AVEN: variants seen among roughly 807,000 people sequenced by gnomAD.
AVEN encodes the protein cell death regulator Aven.
Under a neutral mutation model 38.1 loss-of-function variants are expected in AVEN, and 41 were observed. That is an observed-to-expected ratio of 1.08 (90% CI 0.84 to 1.40). The LOEUF (loss-of-function observed/expected upper bound fraction) is 1.40. AVEN is among the 40% of genes most tolerant of loss of function. AVEN has a pLI of 0.00. For synonymous variants in AVEN, 206 were observed against 171.8 expected, an observed-to-expected ratio of 1.20 and a Z score of -1.56; for missense variants, 605 against 438.8, an observed-to-expected ratio of 1.38 and a Z score of -3.38.
At chr15:33,883,536 G>GA (rs1197038772) in intron 2 of AVEN, 3 of 152,046 alleles carry the variant, frequency 2.0e-5, no homozygotes, top group African/African-American at 7.2e-5. Context: ...TGCTACATGA[G>GA]AAAAGCACGC....
chr15:34,046,356 A>AAAC (rs1555520158), intron 5 of AVEN, among the ~76,000 whole-genome samples: 1 of 151,464 alleles, frequency 6.6e-6, no homozygotes, highest in Non-Finnish European at 1.5e-5. Context: ...AAAAAAAAAA[A>AAAC]ACGGGAAAAA....
chr15:33,880,901 T>C (rs1014840494), intron 2 of AVEN, among the ~76,000 whole-genome samples: 4 of 152,128 alleles, frequency 2.6e-5, no homozygotes, highest in Non-Finnish European at 1.5e-5. Context: ...GAAGGCATCT[T>C]TGATGCACAC....
chr15:33,876,004 AG>A lies in AVEN; in HGVS notation c.446-10del. On this transcript the variant is annotated splice_polypyrimidine_tract_variant and intron_variant, in intron 2 of 5. Transcript: ENST00000306730. The stretch of plus-strand genomic sequence containing the variant: ...CTGTGAGAATGAGTCCCCTAGGAAT[AG>A]GAAAAAAAAAAAAATTTATGCAAAA... 3 of 1,601,350 alleles carry A rather than the reference AG, an allele frequency of 1.9e-6. No homozygotes were observed. The highest frequency in any genetic ancestry group is 2.6e-6 in the Non-Finnish European group (3 of 1,176,186).
intron 2 of AVEN, among the ~76,000 whole-genome samples, chr15:33,952,270 A>G (rs1419652814): frequency 6.6e-6 from 1 of 152,182 alleles, no homozygotes; most frequent in Non-Finnish European, 1.5e-5. Flanking sequence ...GTTCAAAGGT[A>G]TAGATAGAGG....
chr15:33,853,406 G>C, the AVEN span: 1 of 1,063,650 alleles, frequency 9.4e-7, no homozygotes, highest in Non-Finnish European at 1.3e-6. Context: ...TTTTCTCTGG[G>C]TTTTCTCTTT....
intron 1 of AVEN, among the ~76,000 whole-genome samples, chr15:34,013,073 G>T (rs12594902): frequency 0.47 from 71,727 of 151,592 alleles, 20,168 homozygotes; most frequent in Non-Finnish European, 0.63. Flanking sequence ...TTGTTTGTTT[G>T]TTTTTTGAGA....
intron 2 of AVEN, among the ~76,000 whole-genome samples, chr15:33,911,085 C>T (rs1892899647): frequency 6.6e-6 from 1 of 151,988 alleles, no homozygotes; most frequent in African/African-American, 2.4e-5. Context: ...ATTAAAATAC[C>T]CTCTCAAAAA....
At chr15:33,858,843 G>C (rs1261069465) in exon 12 of AVEN, 1 of 152,234 alleles carries the variant, frequency 6.6e-6, no homozygotes, top group Non-Finnish European at 1.5e-5. Flanking sequence ...TGCCCAGTCT[G>C]TGAGCATCTC....
intron 4 of AVEN, among the ~76,000 whole-genome samples, chr15:33,870,409 A>G (rs1294412652): frequency 1.3e-5 from 2 of 152,182 alleles, no homozygotes; most frequent in African/African-American, 2.4e-5. Context: ...GCCAGCTCAA[A>G]TGTCCTTATG....
intron 2 of AVEN, among the ~76,000 whole-genome samples, chr15:33,902,911 T>C (rs1229426813): frequency 6.6e-6 from 1 of 152,212 alleles, no homozygotes; most frequent in Non-Finnish European, 1.5e-5. Flanking sequence ...CTCCTATAGT[T>C]TGATGATCAA....
chr15:33,929,986 C>T (rs893634990), intron 2 of AVEN, among the ~76,000 whole-genome samples: 11 of 152,142 alleles, frequency 7.2e-5, no homozygotes, highest in African/African-American at 2.7e-4. Flanking sequence ...AAAAAATATT[C>T]CTCCAGTCCT....
At chr15:33,882,105 T>C (rs980212607) in intron 2 of AVEN, among the ~76,000 whole-genome samples, 11 of 152,234 alleles carry the variant, frequency 7.2e-5, no homozygotes, top group African/African-American at 2.7e-4. Flanking sequence ...TTACAGAATA[T>C]TGTAGAACGG....
rs374243717 is a variant in AVEN at position 34,008,581 on chromosome 15, C to T, written c.268-5372G>A. Among the ~76,000 whole-genome samples, 4 of 151,088 alleles carry T rather than the reference C, an allele frequency of 2.6e-5. No individual in the cohort carries two copies. The South Asian group carries it at 8.4e-4, about 32-fold the overall frequency. ...TCGGCTCGCTGCAACCTCCGCCTCC[C>T]GGGTTCAAGTCATTCTTCTGCCTCA... On this transcript the variant is annotated intron_variant, in intron 1 of 5. Coordinates refer to ENST00000306730, the MANE Select transcript of AVEN (RefSeq NM_020371.3).
intron 2 of AVEN, among the ~76,000 whole-genome samples, chr15:33,985,845 G>C (rs1381830979): frequency 6.6e-6 from 1 of 152,066 alleles, no homozygotes; most frequent in East Asian, 1.9e-4. Context: ...TTCAAAAATA[G>C]AAGTTCAAGA....
At chr15:34,051,039 A>G (rs1254741020) in intron 5 of AVEN, among the ~76,000 whole-genome samples, 1 of 152,230 alleles carries the variant, frequency 6.6e-6, no homozygotes, top group Admixed American at 6.5e-5. Flanking sequence ...CCAAAACAAC[A>G]GAATAAACAT....
chr15:33,871,161 T>TA, intron 3 of AVEN, 131 bp from the exon 4 acceptor site: 1 of 492,454 alleles, frequency 2.0e-6, no homozygotes. Context: ...ACATCACACT[T>TA]ATGTGTTAGA....
intron 2 of AVEN, among the ~76,000 whole-genome samples, chr15:33,899,528 G>A (rs1302440356): frequency 1.6e-5 from 2 of 127,130 alleles, no homozygotes; most frequent in Non-Finnish European, 3.1e-5. Context: ...GGAGTGCAGT[G>A]GCGCCATCTC....
rs533788693 is a variant in AVEN at position 33,899,460 on chromosome 15, CTTTTTTTTTTTTTTTTTTT to C, written c.446-23484_446-23466del. On this transcript the variant is annotated intron_variant, in intron 2 of 5. Transcript: ENST00000306730. The stretch of plus-strand genomic sequence containing the variant: ...TACATTTATTTGCTTCAGGGAAAAC[CTTTTTTTTTTTTTTTTTTT>C]TTTTTTTTGAGACGGAGTGTTGCTC... 7.6e-5 allele frequency among the ~76,000 whole-genome samples: 5 copies of C among 65,430 alleles called. No homozygotes were observed. The South Asian group carries it at 3.4e-3, about 45-fold the overall frequency. The allele number at this position is 65,430 out of a possible 152,430, so 42.9% of individuals were successfully genotyped here.
At chr15:33,985,986 T>TC (rs1362865533) in intron 2 of AVEN, among the ~76,000 whole-genome samples, 3 of 152,122 alleles carry the variant, frequency 2.0e-5, no homozygotes, top group Non-Finnish European at 4.4e-5. Flanking sequence ...CACATAGCAT[T>TC]CCCCCATGGA....
Sources: gnomAD v4.1 joint callset for allele counts (sites outside exome capture counted in the v4.1 genomes callset) on GRCh38, gnomAD v4.1.1 for gene constraint, MANE v1.5 for transcripts, NCBI Gene and HGNC (gene_info 2026-07-23, HGNC 2026-07-21) for gene names.